Variants in ZNF705A observed in about 807,000 individuals in gnomAD.
ZNF705A encodes the protein zinc finger protein 705A.
ZNF705A carries 8 observed loss-of-function variants against 16.6 expected under a neutral mutation model. The ratio of observed to expected loss-of-function variants is 0.48; its 90% confidence interval spans 0.28 to 0.87. The LOEUF (loss-of-function observed/expected upper bound fraction) is 0.87, where lower values mean the gene tolerates loss of function less well. Among genes scored for constraint, ZNF705A ranks in the 40% least tolerant of loss-of-function variants. ZNF705A has a pLI of 0.10. For missense variants in ZNF705A, 233 were observed against 359.9 expected, an observed-to-expected ratio of 0.65 and a Z score of 2.85; for synonymous variants, 73 against 117.3, an observed-to-expected ratio of 0.62 and a Z score of 2.44.
Position 8,174,461 on chromosome 12 carries a change from C to G in ZNF705A, c.139+9C>G. 3 of 1,592,304 alleles carry G rather than the reference C, an allele frequency of 1.9e-6. No individual in the cohort carries two copies. Among genetic ancestry groups the G allele is most frequent in the Non-Finnish European group, 2.6e-6 (3 of 1,176,270 alleles). ...TCACCTGGTGTCCCTCGGTGAGTCC[C>G]TCAACATTCACGTACATATGTAGAC... is the stretch of plus-strand genomic sequence containing the variant. On this transcript the variant is annotated intron_variant, in intron 2 of 4. Transcript: ENST00000359286.
At chr12:8,164,551 G>A (rs1181426376) in intron 1 of ZNF705A, among the ~76,000 whole-genome samples, 1 of 152,232 alleles carries the variant, frequency 6.6e-6, no homozygotes, top group East Asian at 1.9e-4. Context: ...TGTTCTCACC[G>A]TTCTGCTCCC....
intron 1 of ZNF705A, among the ~76,000 whole-genome samples, chr12:8,165,635 A>G (rs966031168): frequency 6.6e-6 from 1 of 152,016 alleles, no homozygotes; most frequent in African/African-American, 2.4e-5. Flanking sequence ...GATAGAAAAC[A>G]TAATACCCAA....
chr12:8,174,829 C>A (rs1447277450), intron 2 of ZNF705A, among the ~76,000 whole-genome samples: 1 of 151,884 alleles, frequency 6.6e-6, no homozygotes, highest in African/African-American at 2.4e-5. Context: ...AAAACAATAG[C>A]AATATCTTTT....
At chr12:8,177,742 T>C (rs1948498114) in exon 5 of ZNF705A, 7 of 1,199,608 alleles carry the variant, frequency 5.8e-6, no homozygotes, top group Non-Finnish European at 8.0e-6. Flanking sequence ...GACACTGTGT[T>C]AGGAATGACG....
upstream of ZNF705A, among the ~76,000 whole-genome samples, chr12:8,170,194 C>G (rs138852339): frequency 5.9e-4 from 74 of 126,082 alleles, 5 homozygotes; most frequent in Non-Finnish European, 6.2e-4. Context: ...TCCCCCCCCC[C>G]CCAAAAAAAA....
At chr12:8,173,271 A>C (rs1405718186) in intron 1 of ZNF705A, among the ~76,000 whole-genome samples, 1 of 152,244 alleles carries the variant, frequency 6.6e-6, no homozygotes, top group Non-Finnish European at 1.5e-5. Flanking sequence ...CATTCATTTT[A>C]CCTTTTGGTA....
chr12:8,166,384 T>A (rs183822974), intron 1 of ZNF705A, among the ~76,000 whole-genome samples: 5 of 152,252 alleles, frequency 3.3e-5, no homozygotes, highest in African/African-American at 1.2e-4. Context: ...AATTCCCACA[T>A]GTTGTGGGGG....
chr12:8,167,143 C>T (rs374125150), intron 1 of ZNF705A, among the ~76,000 whole-genome samples: 508 of 134,498 alleles, frequency 3.8e-3, no homozygotes, highest in Middle Eastern at 7.3e-3. Context: ...GTCCAGTTTA[C>T]CTCCAAAGAA....
In ZNF705A at chr12:8,174,350, GC is replaced by G. The variant is rs1565416207; in HGVS notation, c.38del (p.Ala13ValfsTer11). ...GAAGAAAGTGACTTTTGAAGATGTA[GC>G]TATTGACTTCACCCAGGAAGAGTGG... On this transcript the variant is annotated frameshift_variant, in exon 2 of 5. Coordinates refer to ENST00000359286, the Ensembl canonical transcript of ZNF705A. LOFTEE classifies it high-confidence loss of function. The G allele has an allele frequency of 6.3e-7, 1 of 1,596,868 alleles. No homozygotes were observed. Among genetic ancestry groups the G allele is most frequent in the African/African-American group, 1.3e-5 (1 of 74,816 alleles).
chr12:8,177,763 A>T, exon 5 of ZNF705A: 2 of 1,028,446 alleles, frequency 1.9e-6, no homozygotes, highest in Non-Finnish European at 1.4e-6. Flanking sequence ...AAGGTAAGGA[A>T]TGTGGAAGAG....
chr12:8,163,231 G>C (rs887480559), intron 1 of ZNF705A, among the ~76,000 whole-genome samples: 16 of 152,002 alleles, frequency 1.1e-4, no homozygotes, highest in African/African-American at 3.9e-4. Context: ...CTAGATCAGG[G>C]GATTCTCAAT....
At chr12:8,158,230 T>A (rs1031122719) in intron 1 of ZNF705A, among the ~76,000 whole-genome samples, 1 of 152,286 alleles carries the variant, frequency 6.6e-6, no homozygotes, top group Admixed American at 6.5e-5. Flanking sequence ...CTTTCTTCTT[T>A]AAAATGCAAT....
In ZNF705A at chr12:8,176,879, T is replaced by C. The variant is rs1231580444; in HGVS notation, c.319-120T>C. 2.8e-6 allele frequency: 4 copies of C among 1,430,764 alleles called. No individual in the cohort carries two copies. The East Asian group carries it at 6.8e-5, about 24-fold the overall frequency. 88.6% of individuals were successfully genotyped at this position (1,430,764 alleles called of 1,614,324 possible). On this transcript the variant is annotated intron_variant, in intron 4 of 4. Coordinates refer to ENST00000359286, the Ensembl canonical transcript of ZNF705A. ...TTAATTTCCTTTCACACAAGAAACA[T>C]TGGAAAGCTTTCAACTGGGGTCTAC...
intron 1 of ZNF705A, among the ~76,000 whole-genome samples, chr12:8,161,982 G>A (rs1365602353): frequency 2.0e-5 from 3 of 152,162 alleles, no homozygotes; most frequent in African/African-American, 7.2e-5. Flanking sequence ...AAGGCAGAAA[G>A]GTAGATTACT....
intron 1 of ZNF705A, among the ~76,000 whole-genome samples, chr12:8,165,758 T>C (rs1948394894): frequency 1.3e-5 from 2 of 152,164 alleles, no homozygotes; most frequent in South Asian, 4.1e-4. Context: ...TTCTCACTTA[T>C]AATTAAGAAC....
chr12:8,163,064 C>T (rs1375706053), intron 1 of ZNF705A, among the ~76,000 whole-genome samples: 2 of 152,108 alleles, frequency 1.3e-5, no homozygotes, highest in African/African-American at 4.8e-5. Flanking sequence ...TGGAACAAAA[C>T]AACAGCGAAA....
chr12:8,172,535 T>C, upstream of ZNF705A: 1 of 1,556,214 alleles, frequency 6.4e-7, no homozygotes, highest in Non-Finnish European at 8.7e-7. Flanking sequence ...CTGTCTCACA[T>C]GTTCTTTCTC....
rs190778770 is a variant in ZNF705A, at chr12:8,161,874, C to T, written c.-72+4782C>T. Among the ~76,000 whole-genome samples, 9 of 152,246 alleles carry T rather than the reference C, an allele frequency of 5.9e-5. 1 individual carries two copies. The highest frequency in any genetic ancestry group is 1.4e-4 in the African/African-American group (6 of 41,548). ...TGGCCCAAATGCATTCAATCTGTAG[C>T]GGCAACTGCTTTGCTTACAGAAGAA... On this transcript the variant is annotated intron_variant, in intron 1 of 5. Transcript: ENST00000396570.
chr12:8,157,211 G>T, intron 1 of ZNF705A, 119 bp downstream of exon 1: 1 of 392,528 alleles, frequency 2.5e-6, no homozygotes, highest in Non-Finnish European at 4.5e-6. Context: ...CCCTAAATAA[G>T]CATTTCAAAC....
Sources: gnomAD v4.1 joint callset for allele counts (sites outside exome capture counted in the v4.1 genomes callset) on GRCh38, gnomAD v4.1.1 for gene constraint, MANE v1.5 for transcripts, NCBI Gene and HGNC (gene_info 2026-07-23, HGNC 2026-07-21) for gene names.